Variants in PLA2G4A observed in about 807,000 individuals in gnomAD.
PLA2G4A encodes cytosolic phospholipase A2.
In PLA2G4A, 40 loss-of-function variants were observed where a neutral mutation model predicts 81.9. That is an observed-to-expected ratio of 0.49 (90% CI 0.38 to 0.64). The LOEUF is 0.64. Among genes scored for constraint, PLA2G4A ranks in the 30% least tolerant of loss-of-function variants. The pLI is 0.00. For synonymous variants in PLA2G4A, 302 were observed against 296.9 expected (o/e 1.02, Z -0.18); for missense variants, 715 against 905.1 (o/e 0.79, Z 2.69).
intron 1 of PLA2G4A, among the ~76,000 whole-genome samples, chr1:186,831,003 T>G (rs1210088487): frequency 1.4e-5 from 2 of 138,454 alleles, no homozygotes; most frequent in Non-Finnish European, 3.1e-5. Context: ...TCTTTCTTTC[T>G]TTCTTTCTTT....
At chr1:186,922,024 G>A (rs1655371017) in intron 7 of PLA2G4A, among the ~76,000 whole-genome samples, 1 of 152,064 alleles carries the variant, frequency 6.6e-6, no homozygotes, top group Admixed American at 6.5e-5. Flanking sequence ...AAAGTTTTAA[G>A]TTTTCCTGTT....
At chr1:186,865,466 CA>C in intron 2 of PLA2G4A, among the ~76,000 whole-genome samples, 1 of 151,780 alleles carries the variant, frequency 6.6e-6, no homozygotes, top group East Asian at 1.9e-4. Context: ...AGTATCTTAC[CA>C]AAAAAACCTC....
chr1:186,914,815 AG>A lies in PLA2G4A; in HGVS notation c.558+3430del, dbSNP rs1255302580. On this transcript the variant is annotated intron_variant, in intron 7 of 17. Coordinates refer to ENST00000367466, the MANE Select transcript of PLA2G4A (RefSeq NM_024420.3). The stretch of plus-strand genomic sequence containing the variant: ...TAGAAATTGGGCATAAGACAATATG[AG>A]GGGTGGTCTCCTCCCTTATATCCTC... Among the ~76,000 whole-genome samples, 128 of 152,182 alleles carry A rather than the reference AG, an allele frequency of 8.4e-4. 1 individual carries two copies. The highest frequency in any genetic ancestry group is 4.2e-4 in the South Asian group (2 of 4,812).
At chr1:186,888,002 T>C (rs1653995660) in intron 3 of PLA2G4A, among the ~76,000 whole-genome samples, 1 of 152,222 alleles carries the variant, frequency 6.6e-6, no homozygotes, top group South Asian at 2.1e-4. Context: ...AATCAAAGTG[T>C]GCAGTTTTGG....
intron 7 of PLA2G4A, among the ~76,000 whole-genome samples, chr1:186,916,380 C>T (rs1558434418): frequency 6.6e-6 from 1 of 151,828 alleles, no homozygotes; most frequent in African/African-American, 2.4e-5. Context: ...ATCCAAGTGG[C>T]CCAAATGACA....
chr1:186,920,526 C>T (rs1260689256), intron 7 of PLA2G4A, among the ~76,000 whole-genome samples: 3 of 152,218 alleles, frequency 2.0e-5, no homozygotes, highest in Non-Finnish European at 4.4e-5. Flanking sequence ...AGCCCGGTCC[C>T]CTTCAGTCCA....
At chr1:186,850,042 A>T (rs191139253) in intron 1 of PLA2G4A, among the ~76,000 whole-genome samples, 13 of 152,270 alleles carry the variant, frequency 8.5e-5, no homozygotes, top group African/African-American at 2.9e-4. Context: ...GTAGATAGAA[A>T]TTCAATTTTG....
At chr1:186,871,151 T>C (rs895135082) in intron 3 of PLA2G4A, among the ~76,000 whole-genome samples, 4 of 152,276 alleles carry the variant, frequency 2.6e-5, no homozygotes, top group Admixed American at 1.3e-4. Context: ...TTGTATGGAA[T>C]AGCCATAGAA....
intron 17 of PLA2G4A, among the ~76,000 whole-genome samples, chr1:186,984,231 G>A (rs1657819621): frequency 6.6e-6 from 1 of 152,048 alleles, no homozygotes; most frequent in Non-Finnish European, 1.5e-5. Context: ...CAACCATGGG[G>A]AATTTGTATA....
chr1:186,916,104 TTCTGGTACTGGCACATTTAGTTCA>T (rs1466247729), intron 7 of PLA2G4A, among the ~76,000 whole-genome samples: 2 of 152,156 alleles, frequency 1.3e-5, no homozygotes, highest in Admixed American at 6.5e-5. Context: ...TTCCTGGAAT[TTCTGGTACTGGCACATTTAGTTCA>T]TCATAGAAAG....
At chr1:186,926,814 C>T (rs567377361) in intron 7 of PLA2G4A, among the ~76,000 whole-genome samples, 3 of 152,246 alleles carry the variant, frequency 2.0e-5, no homozygotes, top group South Asian at 2.1e-4. Flanking sequence ...GCTCATAAAG[C>T]GTCCAGCAAA....
intron 2 of PLA2G4A, among the ~76,000 whole-genome samples, chr1:186,869,427 G>A (rs1290824451): frequency 6.6e-6 from 1 of 152,088 alleles, no homozygotes; most frequent in Non-Finnish European, 1.5e-5. Context: ...CTTTGATGCT[G>A]TACTATAAAT....
intron 17 of PLA2G4A, among the ~76,000 whole-genome samples, chr1:186,979,943 CTTTTTTTT>C (rs34029312): frequency 3.0e-5 from 3 of 98,794 alleles, no homozygotes; most frequent in East Asian, 3.3e-4. Flanking sequence ...ACAGCATTTC[CTTTTTTTT>C]TTTTTTTTTT....
intron 5 of PLA2G4A, among the ~76,000 whole-genome samples, chr1:186,902,191 G>A (rs776301901): frequency 1.3e-5 from 2 of 152,058 alleles, no homozygotes; most frequent in East Asian, 1.9e-4. Context: ...ATATCTAAAC[G>A]TACAAAAGAT....
chr1:186,946,026 T>G (rs1354710828), intron 10 of PLA2G4A, among the ~76,000 whole-genome samples: 1 of 152,082 alleles, frequency 6.6e-6, no homozygotes, highest in Non-Finnish European at 1.5e-5. Context: ...TAAGCACAGC[T>G]CATAAGCAGC....
intron 8 of PLA2G4A, 79 bp from the exon 9 acceptor site, chr1:186,938,929 A>G (rs1656047359): frequency 1.3e-6 from 1 of 798,142 alleles, no homozygotes. Context: ...TGCTTTATTT[A>G]CAGAGTGTGC....
At chr1:186,865,091 C>CATATAT (rs34405767) in intron 2 of PLA2G4A, among the ~76,000 whole-genome samples, 238 of 147,114 alleles carry the variant, frequency 1.6e-3, no homozygotes, top group African/African-American at 5.5e-3. Context: ...AAAATATATA[C>CATATAT]ATATATATAT....
At chr1:186,853,665 T>A (rs1326129397) in intron 1 of PLA2G4A, among the ~76,000 whole-genome samples, 1 of 151,912 alleles carries the variant, frequency 6.6e-6, no homozygotes, top group Non-Finnish European at 1.5e-5. Flanking sequence ...ATTAAATAGT[T>A]TTTTATTTGA....
At chr1:186,987,103 C>G (rs1039653863) in intron 17 of PLA2G4A, among the ~76,000 whole-genome samples, 6 of 152,212 alleles carry the variant, frequency 3.9e-5, no homozygotes, top group Non-Finnish European at 8.8e-5. Context: ...GAATAGAGAG[C>G]CTTGCTTGTT....
Sources: gnomAD v4.1 joint callset for allele counts (sites outside exome capture counted in the v4.1 genomes callset) on GRCh38, gnomAD v4.1.1 for gene constraint, MANE v1.5 for transcripts, NCBI Gene and HGNC (gene_info 2026-07-23, HGNC 2026-07-21) for gene names.